Variants in TOX2 observed in about 807,000 individuals in gnomAD.
TOX2 encodes TOX high mobility group box family member 2, also known as granulosa cell HMG box 1.
In TOX2, 15 loss-of-function variants were observed where a neutral mutation model predicts 47.4. That is an observed-to-expected ratio of 0.32 (90% CI 0.21 to 0.49). The LOEUF (loss-of-function observed/expected upper bound fraction) is 0.49, where lower values mean the gene tolerates loss of function less well. Among genes scored for constraint, TOX2 ranks in the 20% least tolerant of loss-of-function variants. TOX2 has a pLI of 0.99. For missense variants in TOX2, 622 were observed against 673.1 expected, an observed-to-expected ratio of 0.92 and a Z score of 0.84; for synonymous variants, 290 against 296.6, an observed-to-expected ratio of 0.98 and a Z score of 0.23.
At chr20:44,040,603 G>A (rs1247022069) in intron 3 of TOX2, among the ~76,000 whole-genome samples, 1 of 152,210 alleles carries the variant, frequency 6.6e-6, no homozygotes, top group East Asian at 1.9e-4. Context: ...TCCGCCTCCT[G>A]TATAGTTGTG....
At chr20:44,003,255 C>T (rs2070616708) in intron 2 of TOX2, among the ~76,000 whole-genome samples, 1 of 150,702 alleles carries the variant, frequency 6.6e-6, no homozygotes, top group South Asian at 2.1e-4. Flanking sequence ...GGCACAATCA[C>T]AGCTCACTTC....
intron 2 of TOX2, among the ~76,000 whole-genome samples, chr20:43,991,529 G>A (rs2070367998): frequency 6.6e-6 from 1 of 152,112 alleles, no homozygotes; most frequent in Middle Eastern, 3.4e-3. Flanking sequence ...GGCCTACTAT[G>A]TGCAAGGTAC....
At chr20:43,995,556 G>A (rs2145566308) in intron 2 of TOX2, among the ~76,000 whole-genome samples, 1 of 152,266 alleles carries the variant, frequency 6.6e-6, no homozygotes. Flanking sequence ...ACGTGTGAAG[G>A]TTTGTTATAT....
intron 1 of TOX2, among the ~76,000 whole-genome samples, chr20:43,928,981 G>GAAAA (rs575418660): frequency 1.0e-3 from 89 of 86,138 alleles, no homozygotes; most frequent in African/African-American, 3.4e-3. Flanking sequence ...CTAAAAATAT[G>GAAAA]AAAAAAAAAA....
Position 43,919,185 on chromosome 20 carries a change from A to G in TOX2, c.99+4195A>G, listed in dbSNP as rs558362766. ...GGCATGTTCTGCCATCCATCATTCTACCAAAAATATTTATTGAGCACTTCT... is the reference window on the plus strand; with the variant it reads ...GGCATGTTCTGCCATCCATCATTCTGCCAAAAATATTTATTGAGCACTTCT... On this transcript the variant is annotated intron_variant, in intron 1 of 8. Transcript: ENST00000341197. Among the ~76,000 whole-genome samples the G allele has an allele frequency of 5.3e-5, 8 of 152,330 alleles. No individual in the cohort carries two copies. The East Asian group carries it at 1.5e-3, about 29-fold the overall frequency.
chr20:44,014,662 A>G (rs2070844098), intron 3 of TOX2, among the ~76,000 whole-genome samples: 1 of 152,156 alleles, frequency 6.6e-6, no homozygotes, highest in Admixed American at 6.5e-5. Flanking sequence ...GCCTCATAGG[A>G]GTTTATAAAG....
chr20:43,918,460 T>G (rs1214449619), intron 1 of TOX2, among the ~76,000 whole-genome samples: 2 of 152,172 alleles, frequency 1.3e-5, no homozygotes, highest in East Asian at 3.8e-4. Context: ...CTCACATCCC[T>G]TTATAGACAG....
chr20:43,973,282 C>T (rs1364443419), intron 1 of TOX2, 85 bp from the exon 2 acceptor site: 11 of 1,362,160 alleles, frequency 8.1e-6, no homozygotes, highest in African/African-American at 1.4e-5. Context: ...TGCAGTCAGT[C>T]CCCTGCCCTC....
intron 2 of TOX2, among the ~76,000 whole-genome samples, chr20:43,999,215 A>AAT (rs2070534278): frequency 6.6e-6 from 1 of 152,302 alleles, no homozygotes; most frequent in Admixed American, 6.5e-5. Flanking sequence ...TAATGCTGCC[A>AAT]TTTTATGAAT....
At chr20:44,049,473 C>A (rs559542838) in intron 3 of TOX2, among the ~76,000 whole-genome samples, 2 of 152,222 alleles carry the variant, frequency 1.3e-5, no homozygotes, top group East Asian at 3.9e-4. Context: ...TTAGAATTTC[C>A]AGAACTCTTC....
intron 5 of TOX2, among the ~76,000 whole-genome samples, chr20:44,064,303 G>A (rs929397495): frequency 2.3e-4 from 35 of 152,114 alleles, no homozygotes; most frequent in Non-Finnish European, 8.8e-5. Flanking sequence ...AAGGAGGTGC[G>A]AACAAACTGG....
intron 8 of TOX2, among the ~76,000 whole-genome samples, chr20:44,068,207 T>C (rs1374983784): frequency 6.6e-6 from 1 of 151,756 alleles, no homozygotes; most frequent in Non-Finnish European, 1.5e-5. Flanking sequence ...TGTAGGGGAG[T>C]GTCACACAAT....
At chr20:44,060,066 C>T (rs1220004405) in intron 5 of TOX2, among the ~76,000 whole-genome samples, 2 of 152,150 alleles carry the variant, frequency 1.3e-5, no homozygotes, top group Non-Finnish European at 2.9e-5. Context: ...GAAAAAGATA[C>T]TCCATGCAAA....
In TOX2 at chr20:43,914,864, A is replaced by AGCC. The variant is rs904066729; in HGVS notation, c.-10_-8dup. On this transcript the variant is annotated 5_prime_UTR_variant, in exon 1 of 9. Transcript: ENST00000341197. This position sits in a 1 kb window ranked among gnomAD's most constrained non-coding sequence, Gnocchi z 4.5. ...CGCCCGCCCAGGCACTGCCCGCGGG[A>AGCC]GCCGCCGCCGCCGCCGCCGCGCCCG... is the stretch of plus-strand genomic sequence containing the variant. The AGCC allele has an allele frequency of 3.6e-5, 34 of 948,018 alleles. No homozygotes were observed. The highest frequency in any genetic ancestry group is 3.4e-4 in the African/African-American group (19 of 55,078). The allele number at this position is 948,018 out of a possible 1,614,324, so 58.7% of individuals were successfully genotyped here.
At chr20:44,055,535 A>T (rs528394861) in intron 5 of TOX2, among the ~76,000 whole-genome samples, 1 of 152,292 alleles carries the variant, frequency 6.6e-6, no homozygotes, top group South Asian at 2.1e-4. Context: ...ACGGAGCTGG[A>T]AAGGAGGGCA....
chr20:43,973,510 G>A (rs2070015534), intron 2 of TOX2, 78 bp downstream of exon 2: 1 of 1,378,700 alleles, frequency 7.3e-7, no homozygotes, highest in Non-Finnish European at 1.0e-6. Flanking sequence ...GGTGGAGGTA[G>A]GGGGTGCAGA....
At chr20:43,972,422 C>T (rs2069990480) in intron 1 of TOX2, among the ~76,000 whole-genome samples, 2 of 152,210 alleles carry the variant, frequency 1.3e-5, no homozygotes, top group African/African-American at 4.8e-5. Flanking sequence ...AGGTTATTCC[C>T]AAGGAGTACT....
Position 44,051,467 on chromosome 20 carries a change from A to G in TOX2, c.573A>G (p.Pro191=). 1 of 1,613,688 alleles carries G rather than the reference A, an allele frequency of 6.2e-7. No individual in the cohort carries two copies. The highest frequency in any genetic ancestry group is 8.5e-7 in the Non-Finnish European group (1 of 1,179,770). ...GGAGCAGCATCGCCCACAGCTCCCC[A>G]TCACCGCCGGGGAGCAAGTCAGCGA... ...GIRSSIAHSS[P]SPPGSKSATP... The change falls in exon 4 of 9, where the codon CCA becomes CCG. Residue 191 remains proline (P), a synonymous_variant. Coordinates refer to ENST00000341197, the MANE Select transcript of TOX2 (RefSeq NM_001098797.2).
intron 3 of TOX2, among the ~76,000 whole-genome samples, chr20:44,027,103 G>T (rs1023489333): frequency 5.9e-5 from 9 of 152,218 alleles, no homozygotes; most frequent in African/African-American, 2.2e-4. Context: ...TTAAATTACA[G>T]TTCACAACTG....
Sources: gnomAD v4.1 joint callset for allele counts (sites outside exome capture counted in the v4.1 genomes callset) on GRCh38, gnomAD v4.1.1 for gene constraint, Gnocchi (gnomAD v3.1) non-coding constraint, MANE v1.5 for transcripts, NCBI Gene and HGNC (gene_info 2026-07-23, HGNC 2026-07-21) for gene names.